The following GNL2 variants were observed in gnomAD, a reference collection of about 807,000 sequenced individuals.
GNL2 encodes nucleolar GTP-binding protein 2.
In GNL2, 51 loss-of-function variants were observed where a neutral mutation model predicts 92.3. The ratio of observed to expected loss-of-function variants is 0.55; its 90% CI spans 0.44 to 0.70. GNL2 has a LOEUF of 0.70. Ranked by LOEUF, GNL2 falls within the 30% of genes least tolerant of loss-of-function variation. The pLI, the probability that GNL2 is intolerant of heterozygous loss-of-function variation, is 0.00. For synonymous variants in GNL2, 283 were observed against 300.6 expected (o/e 0.94, Z 0.61); for missense variants, 844 against 895.6 (o/e 0.94, Z 0.74).
chr1:37,582,106 C>A, intron 8 of GNL2, 117 bp downstream of exon 8: 1 of 630,350 alleles, frequency 1.6e-6, no homozygotes. Flanking sequence ...GACTACAGAC[C>A]TGCGCAACCA....
chr1:37,576,535 T>A lies in GNL2; in HGVS notation c.931A>T (p.Ile311Phe), dbSNP rs774370676. ...FGKLHTDKKQ[I>F]SVGFIGYPNV... ...GGATAGCCAATGAACCCAACACTGA[T>A]CTGTTTCTTGTCAGTGTGCAACTGT... is the stretch of plus-strand genomic sequence containing the variant. The change falls in exon 9 of 16, where the codon ATC (isoleucine) becomes TTC (phenylalanine). Residue 311 changes from isoleucine (I) to phenylalanine (F), a missense_variant. Physicochemically the swap from Ile to Phe is conservative, Grantham distance 21. Transcript: ENST00000373062. The A allele has an allele frequency of 6.2e-7, 1 of 1,613,800 alleles. No homozygotes were observed. Among genetic ancestry groups the A allele is most frequent in the African/African-American group, 1.3e-5 (1 of 74,934 alleles).
intron 1 of GNL2, among the ~76,000 whole-genome samples, chr1:37,595,334 TCCAAGGG>T (rs752895787): frequency 6.6e-6 from 1 of 152,166 alleles, no homozygotes; most frequent in Non-Finnish European, 1.5e-5. Context: ...ATAGAATAAT[TCCAAGGG>T]CCAAAACTAT....
chr1:37,593,086 AAC>A (rs1418763627), intron 2 of GNL2, among the ~76,000 whole-genome samples: 1 of 152,192 alleles, frequency 6.6e-6, no homozygotes, highest in East Asian at 1.9e-4. Context: ...TTAAAAAAAA[AAC>A]ACATACATAC....
At chr1:37,580,206 G>A (rs908398998) in intron 8 of GNL2, among the ~76,000 whole-genome samples, 2 of 152,146 alleles carry the variant, frequency 1.3e-5, no homozygotes, top group Admixed American at 6.5e-5. Context: ...AAACGAGGCA[G>A]GAGGATCGCT....
intron 10 of GNL2, 135 bp from the exon 11 acceptor site, chr1:37,574,958 C>A: frequency 1.5e-6 from 1 of 655,882 alleles, no homozygotes; most frequent in Non-Finnish European, 2.6e-6. Context: ...GAGCCTGTCT[C>A]TGACGGGGCT....
intron 12 of GNL2, among the ~76,000 whole-genome samples, chr1:37,573,449 G>C (rs1643626284): frequency 6.6e-6 from 1 of 152,240 alleles, no homozygotes; most frequent in Non-Finnish European, 1.5e-5. Flanking sequence ...CCCACTGCCA[G>C]GGTGAGGGAA....
chr1:37,589,329 G>A (rs1643873856), intron 4 of GNL2, among the ~76,000 whole-genome samples: 2 of 152,220 alleles, frequency 1.3e-5, no homozygotes, highest in Non-Finnish European at 2.9e-5. Context: ...ATTTGAGACG[G>A]AGTCTTGCTC....
At chr1:37,577,360 T>C (rs903828963) in intron 8 of GNL2, among the ~76,000 whole-genome samples, 1 of 152,112 alleles carries the variant, frequency 6.6e-6, no homozygotes, top group Non-Finnish European at 1.5e-5. Context: ...AGGCAGAGCT[T>C]GCTATCAAGA....
In GNL2 at chr1:37,575,821, C is replaced by G. The variant is rs536623235; in HGVS notation, c.1039-122G>C. 6.5e-6 allele frequency: 4 copies of G among 618,868 alleles called. No individual in the cohort carries two copies. Among genetic ancestry groups the G allele is most frequent in the Non-Finnish European group, 1.1e-5 (4 of 352,120 alleles). 38.3% of individuals were successfully genotyped at this position (618,868 alleles called of 1,614,324 possible). On this transcript the variant is annotated intron_variant, in intron 9 of 15. Transcript: ENST00000373062. This position sits in a 1 kb window ranked among gnomAD's most constrained non-coding sequence, Gnocchi z 4.1. ...AGGGGTGAGTCAAAGAAAAGCAACG[C>G]GCTAAGTAATTAAGCTACTAACTCT...
intron 8 of GNL2, among the ~76,000 whole-genome samples, chr1:37,579,622 G>A (rs1264303868): frequency 1.3e-5 from 2 of 151,916 alleles, no homozygotes; most frequent in African/African-American, 4.8e-5. Flanking sequence ...TATAGGCCAG[G>A]TGCAGTGGCT....
intron 7 of GNL2, 114 bp from the exon 8 acceptor site, chr1:37,582,450 A>G: frequency 1.6e-6 from 1 of 626,170 alleles, no homozygotes; most frequent in South Asian, 2.2e-5. Flanking sequence ...GTCTAAGGAA[A>G]ATGTTAGCTA....
chr1:37,574,433 A>G lies in GNL2; in HGVS notation c.1326T>C (p.Thr442=), dbSNP rs1235434185. The G allele has an allele frequency of 6.2e-7, 1 of 1,614,056 alleles. No individual in the cohort carries two copies. The highest frequency in any genetic ancestry group is 8.5e-7 in the Non-Finnish European group (1 of 1,179,962). The change falls in exon 12 of 16, where the codon ACT becomes ACC. Residue 442 remains threonine (T), a synonymous_variant. Coordinates refer to ENST00000373062, the MANE Select transcript of GNL2 (RefSeq NM_013285.3). ...LLKGGEPDLQ[T]VGKMVLNDWQ... ...AGTCATTGAGGACCATCTTACCCAC[A>G]GTCTGCAAGTCGGGCTCTCCACCCT... is the stretch of plus-strand genomic sequence containing the variant.
Position 37,576,699 on chromosome 1 carries a change from T to C in GNL2, c.910-143A>G, listed in dbSNP as rs895317918. 17 of 704,520 alleles carry C rather than the reference T, an allele frequency of 2.4e-5. No individual in the cohort carries two copies. In the Admixed American group the frequency reaches 4.4e-4, roughly 18 times the overall value. The allele number at this position is 704,520 out of a possible 1,614,324, so 43.6% of individuals were successfully genotyped here. On this transcript the variant is annotated intron_variant, in intron 8 of 15. Coordinates refer to ENST00000373062, the MANE Select transcript of GNL2 (RefSeq NM_013285.3). ...ATCTGAAGCCTAGATACACACCACCTACATAATCTGAGTAAGCTGGATACA... is the reference window on the plus strand; with the variant it reads ...ATCTGAAGCCTAGATACACACCACCCACATAATCTGAGTAAGCTGGATACA...
At position 37,582,271 on chromosome 1, in the gene GNL2, G is replaced by A; in HGVS notation, c.861C>T (p.Asn287=). 6.2e-7 allele frequency: 1 copy of A among 1,613,416 alleles called. No homozygotes were observed. Among genetic ancestry groups the A allele is most frequent in the Non-Finnish European group, 8.5e-7 (1 of 1,179,694 alleles). Residue 287 remains asparagine, a synonymous_variant, in exon 8 of 16, where the codon AAC becomes AAT. Coordinates refer to ENST00000373062, the MANE Select transcript of GNL2 (RefSeq NM_013285.3). ...GAATGAATGCTCCCTTGCCAAACGG[G>A]TTAGTAAGGCTTGCATGGAAAGCAA... is the stretch of plus-strand genomic sequence containing the variant. ...PTLAFHASLT[N]PFGKGAFIQL...
chr1:37,579,164 G>C (rs1241634027), intron 8 of GNL2, among the ~76,000 whole-genome samples: 3 of 152,166 alleles, frequency 2.0e-5, no homozygotes, highest in Non-Finnish European at 4.4e-5. Flanking sequence ...AGGAGGCAGA[G>C]CAAATCAGAA....
intron 15 of GNL2, 24 bp from the exon 16 acceptor site, chr1:37,567,031 T>TG: frequency 6.3e-7 from 1 of 1,599,436 alleles, no homozygotes; most frequent in Non-Finnish European, 8.5e-7. Flanking sequence ...CAAGAAAAGA[T>TG]GAAGAAAAAA....
intron 12 of GNL2, among the ~76,000 whole-genome samples, chr1:37,572,787 G>A (rs10908356): frequency 0.53 from 80,470 of 152,080 alleles, 22,470 homozygotes; most frequent in East Asian, 0.63. Context: ...TTAGCCGGGC[G>A]TAAGTGTGGA....
intron 5 of GNL2, 131 bp downstream of exon 5, chr1:37,587,180 T>C: frequency 3.2e-6 from 2 of 634,102 alleles, no homozygotes; most frequent in Admixed American, 3.1e-5. Context: ...GGCAGGAGAA[T>C]TGCTTGAACC....
At chr1:37,573,589 C>A (rs1366852272) in intron 12 of GNL2, among the ~76,000 whole-genome samples, 1 of 152,240 alleles carries the variant, frequency 6.6e-6, no homozygotes, top group East Asian at 1.9e-4. Flanking sequence ...TTCCTATATT[C>A]CCTGTGCCTG....
Sources: allele counts gnomAD v4.1 joint callset (sites outside exome capture counted in the v4.1 genomes callset), GRCh38; gene constraint gnomAD v4.1.1; non-coding constraint Gnocchi (gnomAD v3.1); transcripts MANE v1.5; gene names NCBI Gene and HGNC (gene_info 2026-07-23, HGNC 2026-07-21).